The following ENTPD1 variants were observed in gnomAD, a reference collection of about 807,000 sequenced individuals.
The protein encoded by ENTPD1 is ATP diphosphohydrolase.
ENTPD1 carries 33 observed loss-of-function variants against 57.0 expected under a neutral mutation model. The observed-to-expected ratio is 0.58, with a 90% CI of 0.44 to 0.77. The LOEUF (loss-of-function observed/expected upper bound fraction) is 0.77. ENTPD1 is among the 30% of genes least tolerant of loss of function. The pLI is 0.00. For missense variants in ENTPD1, 501 were observed against 603.4 expected, an observed-to-expected ratio of 0.83 and a Z score of 1.78; for synonymous variants, 202 against 218.8, an observed-to-expected ratio of 0.92 and a Z score of 0.68.
intron 1 of ENTPD1, among the ~76,000 whole-genome samples, chr10:95,772,238 A>G (rs1395449551): frequency 6.6e-6 from 1 of 152,214 alleles, no homozygotes; most frequent in Non-Finnish European, 1.5e-5. Flanking sequence ...GCAATTTATT[A>G]AAAGAAGACA....
chr10:95,781,232 A>C (rs2098156400), intron 1 of ENTPD1, among the ~76,000 whole-genome samples: 1 of 152,146 alleles, frequency 6.6e-6, no homozygotes, highest in African/African-American at 2.4e-5. Flanking sequence ...AGAGAGTAGA[A>C]GGATGGTTAC....
At chr10:95,740,218 T>C (rs1009305668) in intron 1 of ENTPD1, among the ~76,000 whole-genome samples, 1 of 152,172 alleles carries the variant, frequency 6.6e-6, no homozygotes, top group Non-Finnish European at 1.5e-5. Context: ...CTCCACCTTT[T>C]GGGTTCAAGT....
Position 95,853,286 on chromosome 10 carries a change from C to T in ENTPD1, c.1074+5580C>T, listed in dbSNP as rs183417359. On this transcript the variant is annotated intron_variant, in intron 7 of 9. Coordinates refer to ENST00000371205, the MANE Select transcript of ENTPD1 (RefSeq NM_001776.6). ...TGGTTTTTGCACATTGATTTTGTAT[C>T]CTGAGACTTTGCTGAAGTTGTTTAT... is the stretch of plus-strand genomic sequence containing the variant. Among the ~76,000 whole-genome samples the T allele has an allele frequency of 1.8e-3, 273 of 152,270 alleles. 5 individuals carry two copies. The highest frequency in any genetic ancestry group is 6.1e-3 in the African/African-American group (253 of 41,548).
At chr10:95,778,082 C>T (rs1334244139) in intron 1 of ENTPD1, among the ~76,000 whole-genome samples, 3 of 152,190 alleles carry the variant, frequency 2.0e-5, no homozygotes, top group African/African-American at 7.2e-5. Flanking sequence ...AGGGAAATCC[C>T]CTGATCCCTT....
intron 1 of ENTPD1, among the ~76,000 whole-genome samples, chr10:95,717,433 C>A (rs2097972835): frequency 6.6e-6 from 1 of 151,424 alleles, no homozygotes; most frequent in African/African-American, 2.4e-5. Context: ...GGTTGCCGCT[C>A]CCTGCTCAAA....
At chr10:95,838,413 C>G (rs903911095) in intron 2 of ENTPD1, among the ~76,000 whole-genome samples, 4 of 152,154 alleles carry the variant, frequency 2.6e-5, no homozygotes, top group African/African-American at 9.7e-5. Context: ...ACCCGAATGT[C>G]CATCAACAGT....
intron 1 of ENTPD1, among the ~76,000 whole-genome samples, chr10:95,743,868 G>A (rs2098002969): frequency 3.3e-5 from 5 of 151,318 alleles, no homozygotes; most frequent in South Asian, 4.2e-4. Flanking sequence ...GGGAATTCTG[G>A]TTCCTTTTAC....
At chr10:95,859,460 T>C (rs1299053884) in intron 7 of ENTPD1, among the ~76,000 whole-genome samples, 1 of 152,216 alleles carries the variant, frequency 6.6e-6, no homozygotes, top group Non-Finnish European at 1.5e-5. Flanking sequence ...AGGGAAAACT[T>C]TATGCCCCCC....
chr10:95,783,776 T>C (rs1474880907), intron 1 of ENTPD1, among the ~76,000 whole-genome samples: 1 of 151,354 alleles, frequency 6.6e-6, no homozygotes, highest in East Asian at 1.9e-4. Flanking sequence ...ATTTTGATGG[T>C]AGGAAAAATA....
intron 1 of ENTPD1, among the ~76,000 whole-genome samples, chr10:95,748,005 G>T (rs886452270): frequency 6.6e-6 from 1 of 151,922 alleles, no homozygotes; most frequent in East Asian, 1.9e-4. Context: ...CCAAGTAGCT[G>T]GGATTACAGG....
chr10:95,773,987 C>T (rs1402934642), intron 1 of ENTPD1, among the ~76,000 whole-genome samples: 1 of 152,196 alleles, frequency 6.6e-6, no homozygotes, highest in African/African-American at 2.4e-5. Context: ...ACATCCTCTC[C>T]AGCGTCTGTT....
chr10:95,858,437 A>C (rs2098459469), intron 7 of ENTPD1, among the ~76,000 whole-genome samples: 1 of 152,170 alleles, frequency 6.6e-6, no homozygotes, highest in African/African-American at 2.4e-5. Flanking sequence ...GGAGCCACCA[A>C]AGGTTTTAAG....
chr10:95,822,993 T>C (rs761836791), intron 1 of ENTPD1, among the ~76,000 whole-genome samples: 22 of 152,272 alleles, frequency 1.4e-4, no homozygotes, highest in Non-Finnish European at 2.6e-4. Context: ...ATCTGATCAC[T>C]GACCTAGTTT....
At chr10:95,715,746 TAG>T (rs1002263424) in intron 1 of ENTPD1, among the ~76,000 whole-genome samples, 4 of 152,224 alleles carry the variant, frequency 2.6e-5, no homozygotes, top group African/African-American at 7.2e-5. Flanking sequence ...AGTATATTTA[TAG>T]AGTCATTATC....
rs138503788 is a variant in ENTPD1 at position 95,823,433 on chromosome 10, G to A, written c.144+69G>A. On this transcript the variant is annotated intron_variant, in intron 2 of 9. Coordinates refer to ENST00000371205, the MANE Select transcript of ENTPD1 (RefSeq NM_001776.6). ...ATCTGGGTGGGACAGGGGGAGGAGG[G>A]ATAAGGTATGTAGAGCATAGGGGAC... 31 of 1,606,964 alleles carry A rather than the reference G, an allele frequency of 1.9e-5. No individual in the cohort carries two copies. The Middle Eastern group carries it at 6.6e-4, about 34-fold the overall frequency.
At chr10:95,724,542 G>A (rs1426091352) in intron 1 of ENTPD1, among the ~76,000 whole-genome samples, 2 of 152,208 alleles carry the variant, frequency 1.3e-5, no homozygotes, top group Non-Finnish European at 2.9e-5. Context: ...GGTCATGGAA[G>A]AGAACCATGG....
At chr10:95,778,991 G>T (rs2098145324) in intron 1 of ENTPD1, among the ~76,000 whole-genome samples, 1 of 152,112 alleles carries the variant, frequency 6.6e-6, no homozygotes, top group Non-Finnish European at 1.5e-5. Flanking sequence ...TAGACCAAAA[G>T]TACTGGTCAC....
At chr10:95,760,811 A>ATCCTT (rs2098055399) in intron 1 of ENTPD1, among the ~76,000 whole-genome samples, 15 of 48,406 alleles carry the variant, frequency 3.1e-4, no homozygotes, top group African/African-American at 8.9e-4. Flanking sequence ...CATAGAGTTT[A>ATCCTT]TTCTTTTTTT....
Position 95,866,241 on chromosome 10 carries a change from C to A in ENTPD1, c.1391C>A (p.Ala464Asp). ...CTGAACCTGACCAACATGATCCCAG[C>A]TGAGCAACCATTGTCCACACCTCTC... The part of the protein sequence containing the change: ...YMLNLTNMIP[A>D]EQPLSTPLSH... Residue 464 changes from alanine to aspartate, a missense_variant, in exon 10 of 10, where the codon GCT (alanine) becomes GAT (aspartate). Physicochemically the swap from Ala to Asp is moderately radical, Grantham distance 126 (BLOSUM62 -2). Coordinates refer to ENST00000371205, the MANE Select transcript of ENTPD1 (RefSeq NM_001776.6). 2 of 1,614,154 alleles carry A rather than the reference C, an allele frequency of 1.2e-6. No homozygotes were observed. Among genetic ancestry groups the A allele is most frequent in the Middle Eastern group, 1.6e-4 (1 of 6,062 alleles).
Sources: allele counts gnomAD v4.1 joint callset (sites outside exome capture counted in the v4.1 genomes callset), GRCh38; gene constraint gnomAD v4.1.1; transcripts MANE v1.5; gene names NCBI Gene and HGNC (gene_info 2026-07-23, HGNC 2026-07-21).